The following ECT2 variants were observed in gnomAD, a reference collection of about 807,000 sequenced individuals.
The protein encoded by ECT2 is epithelial cell transforming 2, also known as protein ECT2.
Under a neutral mutation model 116.9 loss-of-function variants are expected in ECT2, and 61 were observed. That is an observed-to-expected ratio of 0.52 (90% CI 0.42 to 0.65). The LOEUF is 0.65. Ranked by LOEUF, ECT2 falls within the 30% of genes least tolerant of loss-of-function variation. ECT2 has a pLI of 0.00. For missense variants in ECT2, 937 were observed against 1,078.7 expected (o/e 0.87, Z 1.84); for synonymous variants, 358 against 346.4 (o/e 1.03, Z -0.37).
chr3:172,829,206 G>A, the ECT2 span: 4 of 373,342 alleles, frequency 1.1e-5, no homozygotes, highest in Admixed American at 3.5e-5. Flanking sequence ...CCTTGGTCTC[G>A]GCGCCCAGCC....
downstream of ECT2, among the ~76,000 whole-genome samples, chr3:172,824,120 TA>T (rs1730785673): frequency 6.6e-6 from 1 of 152,346 alleles, no homozygotes; most frequent in Admixed American, 6.5e-5. Flanking sequence ...CAGGCTTAAC[TA>T]AATTAGTTGA....
rs775386623 is a variant in ECT2, at chr3:172,802,834, C to A, written c.1987-27C>A. On this transcript the variant is annotated intron_variant, in intron 19 of 24. Coordinates refer to ENST00000392692, the MANE Select transcript of ECT2 (RefSeq NM_001258315.2). Reference sequence around the variant, plus strand: ...AAAATTACTTGATACCAAGTGATCTCTTTTGTTATATTTTCAACCTATACA... The same window carrying A: ...AAAATTACTTGATACCAAGTGATCTATTTTGTTATATTTTCAACCTATACA... The A allele has an allele frequency of 5.6e-6, 9 of 1,593,208 alleles. No homozygotes were observed. The African/African-American group carries it at 1.2e-4, about 22-fold the overall frequency.
chr3:172,825,897 C>CT (rs1730827937), downstream of ECT2, among the ~76,000 whole-genome samples: 1 of 152,146 alleles, frequency 6.6e-6, no homozygotes, highest in African/African-American at 2.4e-5. Context: ...CCATCTAAGA[C>CT]TTTCTTTTTT....
chr3:172,814,468 A>G (rs1410979262), intron 22 of ECT2, among the ~76,000 whole-genome samples: 1 of 152,074 alleles, frequency 6.6e-6, no homozygotes, highest in Non-Finnish European at 1.5e-5. Flanking sequence ...TAACAAGGCA[A>G]TTTGGCTATT....
chr3:172,789,461 CCCAAAGTATTGGGATTA>C (rs1265284456), intron 18 of ECT2, among the ~76,000 whole-genome samples: 2 of 152,154 alleles, frequency 1.3e-5, no homozygotes, highest in Admixed American at 1.3e-4. Context: ...ACCTCGGCTA[CCCAAAGTATTGGGATTA>C]CAGGCATGAG....
chr3:172,761,827 C>A, intron 8 of ECT2, 144 bp downstream of exon 8: 1 of 448,246 alleles, frequency 2.2e-6, no homozygotes, highest in Non-Finnish European at 3.9e-6. Context: ...CTAGGGAGAA[C>A]AAGTTATAAA....
intron 5 of ECT2, among the ~76,000 whole-genome samples, chr3:172,757,546 G>GCT (rs1472138716): frequency 5.3e-5 from 8 of 151,182 alleles, no homozygotes; most frequent in Admixed American, 1.3e-4. Flanking sequence ...CTCCCCAGTA[G>GCT]CTGGGACTAC....
At chr3:172,787,417 GA>G (rs1263051744) in intron 18 of ECT2, among the ~76,000 whole-genome samples, 3 of 152,080 alleles carry the variant, frequency 2.0e-5, no homozygotes, top group Non-Finnish European at 4.4e-5. Flanking sequence ...TGTTGCTGCT[GA>G]ATGGGTTATG....
At chr3:172,806,842 C>T (rs1727845922) in intron 21 of ECT2, among the ~76,000 whole-genome samples, 1 of 151,738 alleles carries the variant, frequency 6.6e-6, no homozygotes, top group South Asian at 2.1e-4. Flanking sequence ...GGGGTTTCAC[C>T]ATGTTGGCCG....
intron 14 of ECT2, among the ~76,000 whole-genome samples, chr3:172,774,863 A>G (rs929448726): frequency 4.6e-5 from 7 of 152,110 alleles, no homozygotes; most frequent in African/African-American, 1.7e-4. Flanking sequence ...GGCTTTATGA[A>G]ATCTATTCTG....
In ECT2 at chr3:172,790,466, A is replaced by G. The variant is rs140279819; in HGVS notation, c.1907+3892A>G. On this transcript the variant is annotated intron_variant, in intron 18 of 24. Coordinates refer to ENST00000392692, the MANE Select transcript of ECT2 (RefSeq NM_001258315.2). ...TGTTTTACCTATGAAAAGAAAAGAA[A>G]AGAGAGGTTTTGTTATGGCTGTCCA... 8.5e-5 allele frequency among the ~76,000 whole-genome samples: 13 copies of G among 152,326 alleles called. No individual in the cohort carries two copies. In the East Asian group the frequency reaches 2.5e-3, roughly 29 times the overall value.
intron 21 of ECT2, 167 bp from the exon 22 acceptor site, chr3:172,807,603 A>G: frequency 4.3e-6 from 3 of 700,544 alleles, no homozygotes; most frequent in East Asian, 5.4e-5. Flanking sequence ...CAGTACTTCA[A>G]CTTAATATGG....
At position 172,755,564 on chromosome 3, in the gene ECT2, G is replaced by T. The variant is rs1214549767; in HGVS notation, c.292G>T (p.Val98Phe). The T allele has an allele frequency of 6.9e-7, 1 of 1,440,176 alleles. No individual in the cohort carries two copies. Among genetic ancestry groups the T allele is most frequent in the Non-Finnish European group, 9.4e-7 (1 of 1,066,574 alleles). 89.2% of individuals were successfully genotyped at this position (1,440,176 alleles called of 1,614,324 possible). Residue 98 changes from valine (V) to phenylalanine (F), a missense_variant, in exon 4 of 25, where the codon GTT (valine) becomes TTT (phenylalanine). Coordinates refer to ENST00000392692, the MANE Select transcript of ECT2 (RefSeq NM_001258315.2). The stretch of plus-strand genomic sequence containing the variant: ...ATCGGATGAAAAATTAATAAAAAGT[G>T]TTATTAATATGGTAGGTCAAAGTAA... ...GKSDEKLIKSVINMDIKVGFV... is the reference protein window; with the variant it reads ...GKSDEKLIKSFINMDIKVGFV...
chr3:172,797,277 C>G (rs1725873942), intron 18 of ECT2, among the ~76,000 whole-genome samples: 1 of 151,912 alleles, frequency 6.6e-6, no homozygotes, highest in African/African-American at 2.4e-5. Flanking sequence ...TCAAGCAATC[C>G]ACCGGCCTAG....
chr3:172,819,875 C>T (rs1332179132), intron 24 of ECT2, among the ~76,000 whole-genome samples: 1 of 152,206 alleles, frequency 6.6e-6, no homozygotes, highest in East Asian at 1.9e-4. Context: ...TTAGGTATCA[C>T]TACTAGCAAT....
At chr3:172,761,794 C>T (rs1718357179) in intron 8 of ECT2, 111 bp downstream of exon 8, 9 of 613,106 alleles carry the variant, frequency 1.5e-5, no homozygotes, top group Middle Eastern at 4.4e-4. Context: ...TGAATTCAGT[C>T]TGAGTAGCTT....
intron 22 of ECT2, among the ~76,000 whole-genome samples, chr3:172,811,436 C>A (rs1728755535): frequency 6.6e-6 from 1 of 151,886 alleles, no homozygotes; most frequent in East Asian, 1.9e-4. Context: ...ATATGTTCAC[C>A]CTTTCAGTCA....
intron 22 of ECT2, among the ~76,000 whole-genome samples, chr3:172,814,867 T>C (rs1339631125): frequency 6.6e-6 from 1 of 152,176 alleles, no homozygotes; most frequent in Non-Finnish European, 1.5e-5. Context: ...TTGTCAACTA[T>C]AGTCACCACT....
intron 22 of ECT2, among the ~76,000 whole-genome samples, chr3:172,811,169 G>C (rs1728709869): frequency 6.6e-6 from 1 of 151,752 alleles, no homozygotes; most frequent in Non-Finnish European, 1.5e-5. Flanking sequence ...TAGAAATTTA[G>C]GGAAATAGAC....
Sources: gnomAD v4.1 joint callset for allele counts (sites outside exome capture counted in the v4.1 genomes callset) on GRCh38, gnomAD v4.1.1 for gene constraint, MANE v1.5 for transcripts, NCBI Gene and HGNC (gene_info 2026-07-23, HGNC 2026-07-21) for gene names.